The following CIC variants were observed in gnomAD, a reference collection of about 807,000 sequenced individuals.
CIC encodes the protein capicua transcriptional repressor, also known as protein capicua homolog.
Under a neutral mutation model 115.7 loss-of-function variants are expected in CIC, and 18 were observed. That is an observed-to-expected ratio of 0.16 (90% confidence interval 0.11 to 0.23). The LOEUF (loss-of-function observed/expected upper bound fraction) is 0.23, where lower values mean the gene tolerates loss of function less well. CIC is among the 10% of genes least tolerant of loss of function. The probability of loss-of-function intolerance (pLI) is 1.00; values close to 1 mark genes in which losing one functional copy is unlikely to be tolerated. For missense variants in CIC, 2,000 were observed against 2,159.3 expected (o/e 0.93, Z 1.46); for synonymous variants, 1,076 against 923.0 (o/e 1.17, Z -3.01).
chr19:42,288,415 C>T (rs897274910), intron 7 of CIC, among the ~76,000 whole-genome samples: 1 of 152,230 alleles, frequency 6.6e-6, no homozygotes, highest in Admixed American at 6.5e-5. Flanking sequence ...GCAAACACCC[C>T]TGATGGGCTG....
Position 42,295,143 on chromosome 19 carries a change from G to GGGGGCCCCCCCCCCCCCCC in CIC, c.7506_7507insGGGGCCCCCCCCCCCCCCC (p.Pro2503GlyfsTer26). Reference sequence around the variant, plus strand: ...AGCCTGGCTGGGAGGGGGCTCCCCAGCCCTCCCCCCCACCCCCAGGTCCCT... The same window carrying GGGGGCCCCCCCCCCCCCCC: ...AGCCTGGCTGGGAGGGGGCTCCCCAGGGGGCCCCCCCCCCCCCCCCCCTCCCCCCCACCCCCAGGTCCCT... On this transcript the variant is annotated frameshift_variant, in exon 21 of 21. Coordinates refer to ENST00000681038, the MANE Select transcript of CIC (RefSeq NM_001386298.1). LOFTEE classifies it high-confidence loss of function. The GGGGGCCCCCCCCCCCCCCC allele has an allele frequency of 3.6e-6, 5 of 1,382,694 alleles. No homozygotes were observed. Among genetic ancestry groups the GGGGGCCCCCCCCCCCCCCC allele is most frequent in the Non-Finnish European group, 4.8e-6 (5 of 1,037,788 alleles). The allele number at this position is 1,382,694 out of a possible 1,614,324, so 85.7% of individuals were successfully genotyped here.
chr19:42,276,103 G>A (rs528274169), intron 2 of CIC, among the ~76,000 whole-genome samples: 21 of 152,350 alleles, frequency 1.4e-4, no homozygotes, highest in South Asian at 8.3e-4. Flanking sequence ...AACCTGAAGG[G>A]TGTGCAGATG....
At chr19:42,278,480 T>C (rs2037080285) in intron 2 of CIC, among the ~76,000 whole-genome samples, 1 of 152,236 alleles carries the variant, frequency 6.6e-6, no homozygotes, top group South Asian at 2.1e-4. Flanking sequence ...TGACTCTTCT[T>C]TGAGTCTGGG....
In CIC at chr19:42,287,062, G is replaced by A. The variant is rs1189361471; in HGVS notation, c.3001G>A (p.Ala1001Thr). Residue 1001 changes from alanine (A) to threonine (T), a missense_variant, in exon 4 of 21, where the codon GCT (alanine) becomes ACT (threonine). Physicochemically the swap from Ala to Thr is moderately conservative, Grantham distance 58. This residue lies in a region of CIC where 222 missense variants were observed against 247.7 expected (regional missense o/e 0.90). Transcript: ENST00000681038. This position sits in a 1 kb window ranked among gnomAD's most constrained non-coding sequence, Gnocchi z 8.7. ...ACGGCCACCAGGTGGGACAGGGAGTGCTGACCCTGAGCGGCCCCCTGGAGC... is the reference window on the plus strand; with the variant it reads ...ACGGCCACCAGGTGGGACAGGGAGTACTGACCCTGAGCGGCCCCCTGGAGC... ...HERPPGGTGSADPERPPGATC... is the reference protein window; with the variant it reads ...HERPPGGTGSTDPERPPGATC... The A allele has an allele frequency of 6.2e-7, 1 of 1,612,586 alleles. No individual in the cohort carries two copies. Among genetic ancestry groups the A allele is most frequent in the Admixed American group, 1.7e-5 (1 of 60,028 alleles).
intron 1 of CIC, among the ~76,000 whole-genome samples, chr19:42,271,144 G>A (rs759421821): frequency 2.0e-5 from 3 of 152,184 alleles, no homozygotes; most frequent in Non-Finnish European, 4.4e-5. Context: ...CTTGGTACTT[G>A]TGCATGTGTG....
rs1214320973 is a variant in CIC, at chr19:42,273,226, C to T, written c.1443C>T (p.Tyr481=). The T allele has an allele frequency of 1.3e-5, 5 of 398,544 alleles. No individual in the cohort carries two copies. The highest frequency in any genetic ancestry group is 4.4e-5 in the Admixed American group (1 of 22,724). 24.7% of individuals were successfully genotyped at this position (398,544 alleles called of 1,614,324 possible). Residue 481 remains tyrosine (Y), a synonymous_variant, in exon 2 of 21, where the codon TAC becomes TAT. Coordinates refer to ENST00000681038, the MANE Select transcript of CIC (RefSeq NM_001386298.1). The stretch of plus-strand genomic sequence containing the variant: ...CACTGACAGCCGCCCAGCAGAAGTA[C>T]AAGAAGGGCGATGTGGTCTGCACAC... ...RTPLTAAQQK[Y]KKGDVVCTPS...
At position 42,295,216 on chromosome 19, in the gene CIC, C is replaced by G; in HGVS notation, c.*25C>G. On this transcript the variant is annotated 3_prime_UTR_variant, in exon 21 of 21. Transcript: ENST00000681038. ...AGGGACCCCTGAGAAGATGCCAGGA[C>G]TTATAGTACCCCCTCAGGACATGGA... 1 of 1,529,190 alleles carries G rather than the reference C, an allele frequency of 6.5e-7. No homozygotes were observed. The highest frequency in any genetic ancestry group is 8.7e-7 in the Non-Finnish European group (1 of 1,142,926). The allele number at this position is 1,529,190 out of a possible 1,614,324, so 94.7% of individuals were successfully genotyped here.
chr19:42,291,698 C>T lies in CIC; in HGVS notation c.5566C>T (p.Pro1856Ser), dbSNP rs2147282475. 6.2e-7 allele frequency: 1 copy of T among 1,613,030 alleles called. No individual in the cohort carries two copies. Among genetic ancestry groups the T allele is most frequent in the Non-Finnish European group, 8.5e-7 (1 of 1,180,006 alleles). ...GAGQPLPLVS[P>S]PFSVPVQNGA... Reference sequence around the variant, plus strand: ...CGGCCAGCCACTGCCACTGGTGAGCCCGCCCTTCTCAGTACCTGTGCAGAA... The same window carrying T: ...CGGCCAGCCACTGCCACTGGTGAGCTCGCCCTTCTCAGTACCTGTGCAGAA... Residue 1856 changes from proline (P) to serine (S), a missense_variant, in exon 12 of 21, where the codon CCG (proline) becomes TCG (serine). Around this residue, in one of 8 missense-constraint regions of CIC, gnomAD observed 1,466 missense variants for 1,390.4 expected, o/e 1.05. Transcript: ENST00000681038.
chr19:42,291,543 C>G lies in CIC; in HGVS notation c.5426-15C>G. 1 of 1,613,096 alleles carries G rather than the reference C, an allele frequency of 6.2e-7. No individual in the cohort carries two copies. The highest frequency in any genetic ancestry group is 8.5e-7 in the Non-Finnish European group (1 of 1,180,002). On this transcript the variant is annotated splice_polypyrimidine_tract_variant and intron_variant, in intron 11 of 20. Coordinates refer to ENST00000681038, the MANE Select transcript of CIC (RefSeq NM_001386298.1). Reference sequence around the variant, plus strand: ...TCCCTTGTAACCTTTTCCTTTCTTGCCTCTTAACTTCCAGCCCAGTCAGTT... The same window carrying G: ...TCCCTTGTAACCTTTTCCTTTCTTGGCTCTTAACTTCCAGCCCAGTCAGTT...
intron 1 of CIC, among the ~76,000 whole-genome samples, chr19:42,271,298 G>A (rs1023560996): frequency 6.6e-6 from 1 of 152,224 alleles, no homozygotes; most frequent in African/African-American, 2.4e-5. Flanking sequence ...TAGCACTGCT[G>A]TTTCCCACCT....
chr19:42,289,899 T>G lies in CIC; in HGVS notation c.4139T>G (p.Val1380Gly). 6.2e-7 allele frequency: 1 copy of G among 1,610,414 alleles called. No homozygotes were observed. The highest frequency in any genetic ancestry group is 8.5e-7 in the Non-Finnish European group (1 of 1,178,632). ...ATTGATCTCAAGTGCAAGGAGCGGG[T>G]GACCGACAGCGAGAGTGGGGACAGC... ...TDIDLKCKER[V>G]TDSESGDSSG... Residue 1380 changes from valine (V) to glycine (G), a missense_variant, in exon 10 of 21, where the codon GTG becomes GGG. Val to Gly is a moderately radical substitution (Grantham distance 109). Around this residue, in one of 8 missense-constraint regions of CIC, gnomAD observed 1,466 missense variants for 1,390.4 expected, o/e 1.05. Transcript: ENST00000681038.
chr19:42,282,421 G>C (rs748267566), intron 2 of CIC, among the ~76,000 whole-genome samples: 2 of 152,202 alleles, frequency 1.3e-5, no homozygotes, highest in Non-Finnish European at 2.9e-5. Flanking sequence ...CCAAGTGTGT[G>C]ACCCCAGTCC....
Position 42,295,142 on chromosome 19 carries a change from A to AGGGCC in CIC, c.7506_7507insGGCCG (p.Pro2503GlyfsTer28). The AGGGCC allele has an allele frequency of 3.6e-6, 2 of 558,796 alleles. No individual in the cohort carries two copies. The highest frequency in any genetic ancestry group is 2.1e-5 in the African/African-American group (1 of 46,852). 34.6% of individuals were successfully genotyped at this position (558,796 alleles called of 1,614,324 possible). On this transcript the variant is annotated frameshift_variant, in exon 21 of 21. Coordinates refer to ENST00000681038, the MANE Select transcript of CIC (RefSeq NM_001386298.1). LOFTEE classifies it high-confidence loss of function. Reference sequence around the variant, plus strand: ...CAGCCTGGCTGGGAGGGGGCTCCCCAGCCCTCCCCCCCACCCCCAGGTCCC... The same window carrying AGGGCC: ...CAGCCTGGCTGGGAGGGGGCTCCCCAGGGCCGCCCTCCCCCCCACCCCCAGGTCCC...
chr19:42,282,580 A>G (rs1329756080), intron 2 of CIC, among the ~76,000 whole-genome samples: 1 of 152,024 alleles, frequency 6.6e-6, no homozygotes, highest in African/African-American at 2.4e-5. Context: ...ATCATTGTCT[A>G]ACTATATTCC....
At chr19:42,290,079 A>C in intron 10 of CIC, 128 bp downstream of exon 10, 5 of 1,386,782 alleles carry the variant, frequency 3.6e-6, no homozygotes, top group Non-Finnish European at 5.1e-6. Flanking sequence ...CCCCGTGGGG[A>C]GTTGGGTCAT....
In CIC at chr19:42,295,143, G is replaced by GGGGCCCCCCCCCC; in HGVS notation, c.7506_7507insGGGCCCCCCCCCC (p.Pro2503GlyfsTer24). 6.3e-5 allele frequency: 87 copies of GGGGCCCCCCCCCC among 1,382,604 alleles called. No homozygotes were observed. Among genetic ancestry groups the GGGGCCCCCCCCCC allele is most frequent in the Middle Eastern group, 2.4e-4 (1 of 4,118 alleles). The allele number at this position is 1,382,604 out of a possible 1,614,324, so 85.6% of individuals were successfully genotyped here. ...AGCCTGGCTGGGAGGGGGCTCCCCA[G>GGGGCCCCCCCCCC]CCCTCCCCCCCACCCCCAGGTCCCT... is the stretch of plus-strand genomic sequence containing the variant. On this transcript the variant is annotated frameshift_variant, in exon 21 of 21. Transcript: ENST00000681038. LOFTEE classifies it high-confidence loss of function.
intron 16 of CIC, 48 bp from the exon 17 acceptor site, chr19:42,293,544 A>T: frequency 6.2e-7 from 1 of 1,613,014 alleles, no homozygotes; most frequent in Non-Finnish European, 8.5e-7. Flanking sequence ...CCTTTGCCCC[A>T]GAGTCTGAGC....
chr19:42,291,535 C>A (rs200823713), intron 11 of CIC, 23 bp from the exon 12 acceptor site: 1 of 1,613,140 alleles, frequency 6.2e-7, no homozygotes, highest in Admixed American at 1.7e-5. Context: ...TAACCTTTTC[C>A]TTTCTTGCCT....
At chr19:42,281,119 C>T (rs1172617525) in intron 2 of CIC, among the ~76,000 whole-genome samples, 1 of 147,868 alleles carries the variant, frequency 6.8e-6, no homozygotes, top group African/African-American at 2.5e-5. Context: ...CCCTGGCCGT[C>T]GCCGACGCCG....
Sources: gnomAD v4.1 joint callset for allele counts (sites outside exome capture counted in the v4.1 genomes callset) on GRCh38, gnomAD v4.1.1 for gene constraint, gnomAD v4.1.1 regional missense constraint, Gnocchi (gnomAD v3.1) non-coding constraint, MANE v1.5 for transcripts, NCBI Gene and HGNC (gene_info 2026-07-23, HGNC 2026-07-21) for gene names.